TMEM200A: variants seen among roughly 807,000 people sequenced by gnomAD.
TMEM200A encodes the protein transmembrane protein 200A.
TMEM200A carries 12 observed loss-of-function variants against 24.3 expected under a neutral mutation model. That is an observed-to-expected ratio of 0.49 (90% CI 0.32 to 0.80). TMEM200A has a LOEUF of 0.80. TMEM200A is among the 30% of genes least tolerant of loss of function. TMEM200A has a pLI of 0.04. For synonymous variants in TMEM200A, 224 were observed against 224.4 expected, an observed-to-expected ratio of 1.00 and a Z score of 0.02; for missense variants, 545 against 614.4, an observed-to-expected ratio of 0.89 and a Z score of 1.19.
At chr6:130,371,506 G>A (rs1192473970) in intron 1 of TMEM200A, among the ~76,000 whole-genome samples, 2 of 152,110 alleles carry the variant, frequency 1.3e-5, no homozygotes, top group Non-Finnish European at 2.9e-5. Context: ...AGGCCAAACT[G>A]AAGGACCAGC....
At chr6:130,418,599 G>T (rs1310812288) in intron 2 of TMEM200A, among the ~76,000 whole-genome samples, 1 of 152,050 alleles carries the variant, frequency 6.6e-6, no homozygotes, top group African/African-American at 2.4e-5. Flanking sequence ...TGCTATTAAG[G>T]GTGGAGTTGA....
intron 2 of TMEM200A, among the ~76,000 whole-genome samples, chr6:130,401,752 T>G (rs1456221498): frequency 6.6e-6 from 1 of 152,008 alleles, no homozygotes; most frequent in Non-Finnish European, 1.5e-5. Context: ...TTAGTAGGTC[T>G]TTTCAGTTGT....
At position 130,377,119 on chromosome 6, in the gene TMEM200A, CA is replaced by C. The variant is rs201923237; in HGVS notation, c.-80-8053del. The stretch of plus-strand genomic sequence containing the variant: ...CATAACAAGCTTTTCTCAAGAAACT[CA>C]GGCTAGAGAGCCATTGGGTAATACT... On this transcript the variant is annotated intron_variant, in intron 1 of 2. Transcript: ENST00000296978. Among the ~76,000 whole-genome samples the C allele has an allele frequency of 4.8e-4, 73 of 152,270 alleles. 1 individual carries two copies. In the South Asian group the frequency reaches 8.5e-3, roughly 18 times the overall value.
rs76097419 is a variant in TMEM200A, at chr6:130,393,899, A to G, written c.-17+8663A>G. Among the ~76,000 whole-genome samples, 633 of 152,282 alleles carry G rather than the reference A, an allele frequency of 4.2e-3. 7 individuals are homozygous for G. The highest frequency in any genetic ancestry group is 0.014 in the African/African-American group (589 of 41,566). On this transcript the variant is annotated intron_variant, in intron 2 of 2. Transcript: ENST00000296978. ...TTTGAAACATCTCTAACCATGGTTT[A>G]TTTATTGGAATCTCATCCCACCCTT...
chr6:130,385,964 T>C (rs2115098806), intron 2 of TMEM200A, among the ~76,000 whole-genome samples: 1 of 152,216 alleles, frequency 6.6e-6, no homozygotes, highest in African/African-American at 2.4e-5. Context: ...CTGAAGAAAA[T>C]TGTTTTGTAT....
At chr6:130,425,644 GTA>G (rs1005644763) in intron 2 of TMEM200A, among the ~76,000 whole-genome samples, 2 of 152,162 alleles carry the variant, frequency 1.3e-5, no homozygotes, top group Non-Finnish European at 2.9e-5. Flanking sequence ...TGCAAAAATT[GTA>G]TAGTCAGAAC....
chr6:130,435,238 G>A (rs1440138957), intron 2 of TMEM200A, among the ~76,000 whole-genome samples: 2 of 152,076 alleles, frequency 1.3e-5, no homozygotes, highest in African/African-American at 4.8e-5. Context: ...ACCCGCCTTG[G>A]CCTTCGGAAG....
chr6:130,394,104 T>C lies in TMEM200A; in HGVS notation c.-17+8868T>C, dbSNP rs563303737. ...TCAATATACTGTACTTGGGATTTCA[T>C]TGTTAGGGTTTGAAGTCAGTATTTG... On this transcript the variant is annotated intron_variant, in intron 2 of 2. Coordinates refer to ENST00000296978, the MANE Select transcript of TMEM200A (RefSeq NM_001258277.2). Among the ~76,000 whole-genome samples, 8 of 152,302 alleles carry C rather than the reference T, an allele frequency of 5.3e-5. No individual in the cohort carries two copies. In the South Asian group the frequency reaches 1.7e-3, roughly 32 times the overall value.
At chr6:130,373,629 T>C (rs1259696032) in intron 1 of TMEM200A, among the ~76,000 whole-genome samples, 1 of 152,248 alleles carries the variant, frequency 6.6e-6, no homozygotes, top group Non-Finnish European at 1.5e-5. Context: ...TAAATGGCAC[T>C]TTGATGAATC....
chr6:130,396,995 G>A (rs907635058), intron 2 of TMEM200A, among the ~76,000 whole-genome samples: 9 of 151,972 alleles, frequency 5.9e-5, no homozygotes, highest in African/African-American at 1.7e-4. Flanking sequence ...TCTTATGTAC[G>A]TTTAAGTTTA....
chr6:130,422,243 G>T (rs1270196114), intron 2 of TMEM200A, among the ~76,000 whole-genome samples: 2 of 151,996 alleles, frequency 1.3e-5, no homozygotes, highest in Non-Finnish European at 2.9e-5. Context: ...TAACCTTCCT[G>T]AAAGGTGTGA....
At chr6:130,373,918 A>G (rs1193945187) in intron 1 of TMEM200A, among the ~76,000 whole-genome samples, 1 of 152,220 alleles carries the variant, frequency 6.6e-6, no homozygotes. Context: ...CATTTTGAAA[A>G]AAAGAATAGT....
rs114464866 is a variant in TMEM200A at position 130,370,158 on chromosome 6, C to G, written c.-81+3634C>G. 5.4e-3 allele frequency among the ~76,000 whole-genome samples: 821 copies of G among 152,310 alleles called. 6 individuals carry two copies. The highest frequency in any genetic ancestry group is 0.019 in the African/African-American group (785 of 41,556). On this transcript the variant is annotated intron_variant, in intron 1 of 2. Transcript: ENST00000296978. ...TCTGGGTCAGCTGTATTCTGAGGCA[C>G]TCTTTCTGGATATGGAGAAAGATGA...
chr6:130,365,716 C>T (rs1778119249), upstream of TMEM200A: 6 of 985,354 alleles, frequency 6.1e-6, no homozygotes, highest in African/African-American at 1.7e-5. Flanking sequence ...AGAGCGCCTG[C>T]AAGCGGGTAC....
At chr6:130,388,811 G>A (rs924850486) in intron 2 of TMEM200A, among the ~76,000 whole-genome samples, 2 of 152,216 alleles carry the variant, frequency 1.3e-5, no homozygotes, top group East Asian at 3.9e-4. Context: ...TGTGGGAATT[G>A]CATCAACCAC....
chr6:130,407,676 G>A (rs1393841246), intron 2 of TMEM200A, among the ~76,000 whole-genome samples: 1 of 152,196 alleles, frequency 6.6e-6, no homozygotes, highest in African/African-American at 2.4e-5. Flanking sequence ...TAAGAGCCAA[G>A]AAGCTCCGAG....
intron 1 of TMEM200A, among the ~76,000 whole-genome samples, chr6:130,376,295 G>A (rs1778454909): frequency 6.6e-6 from 1 of 152,026 alleles, no homozygotes; most frequent in Non-Finnish European, 1.5e-5. Context: ...TTTTGAGAGA[G>A]GGTCTCACTC....
chr6:130,368,610 C>G (rs912457002), intron 1 of TMEM200A, among the ~76,000 whole-genome samples: 1 of 152,182 alleles, frequency 6.6e-6, no homozygotes, highest in African/African-American at 2.4e-5. Context: ...GATATGTGCT[C>G]AAACACTCAG....
At chr6:130,378,348 T>G (rs1778511088) in intron 1 of TMEM200A, among the ~76,000 whole-genome samples, 1 of 151,734 alleles carries the variant, frequency 6.6e-6, no homozygotes, top group African/African-American at 2.4e-5. Flanking sequence ...CAGGTGTCTG[T>G]GTCAGTTATA....
Sources: gnomAD v4.1 joint callset for allele counts (sites outside exome capture counted in the v4.1 genomes callset) on GRCh38, gnomAD v4.1.1 for gene constraint, MANE v1.5 for transcripts, NCBI Gene and HGNC (gene_info 2026-07-23, HGNC 2026-07-21) for gene names.